The following RFPL1 variants were observed in gnomAD, a reference collection of about 807,000 sequenced individuals.
The protein encoded by RFPL1 is ret finger protein-like 1.
In RFPL1, 6 loss-of-function variants were observed where a neutral mutation model predicts 9.6. The ratio of observed to expected loss-of-function variants is 0.62; its 90% confidence interval spans 0.34 to 1.23. RFPL1 has a LOEUF of 1.23. Ranked by LOEUF, RFPL1 falls within the 50% of genes most tolerant of loss-of-function variation. The pLI, the probability that RFPL1 is intolerant of heterozygous loss-of-function variation, is 0.03. For missense variants in RFPL1, 352 were observed against 398.4 expected (o/e 0.88, Z 0.99); for synonymous variants, 145 against 149.4 (o/e 0.97, Z 0.22).
chr22:29,416,059 TACC>T, the RFPL1 span, among the ~76,000 whole-genome samples: 2 of 152,172 alleles, frequency 1.3e-5, no homozygotes, highest in African/African-American at 2.4e-5. Context: ...AGATTGGGGT[TACC>T]ACAACCCTAT....
chr22:29,437,550 T>C (rs1272103703), upstream of RFPL1: 126 of 1,465,956 alleles, frequency 8.6e-5, no homozygotes, highest in East Asian at 2.9e-3. Flanking sequence ...ATATCACCAG[T>C]AAAAACCTAA....
At chr22:29,432,925 T>A in the RFPL1 span, 1 of 152,192 alleles carries the variant, frequency 6.6e-6, no homozygotes, top group Non-Finnish European at 1.5e-5. Flanking sequence ...TCATGTACCG[T>A]TTCTGCAGAC....
chr22:29,408,538 G>A, the RFPL1 span, among the ~76,000 whole-genome samples: 3 of 152,174 alleles, frequency 2.0e-5, no homozygotes, highest in Admixed American at 6.5e-5. Context: ...TGCACACGGC[G>A]GTGTGGAGGA....
At chr22:29,417,938 GTTTTT>G in the RFPL1 span, among the ~76,000 whole-genome samples, 1 of 129,376 alleles carries the variant, frequency 7.7e-6, no homozygotes. Flanking sequence ...ACCTTGAATG[GTTTTT>G]TTTTTTTTTT....
upstream of RFPL1, among the ~76,000 whole-genome samples, chr22:29,435,557 G>A (rs180916806): frequency 4.4e-4 from 67 of 152,126 alleles, no homozygotes; most frequent in Non-Finnish European, 8.4e-4. Flanking sequence ...CTTTATGACC[G>A]GATCCAATTC....
the RFPL1 span, chr22:29,419,179 G>A: frequency 1.9e-6 from 3 of 1,607,636 alleles, no homozygotes; most frequent in Admixed American, 1.7e-5. Context: ...CACGGTCATC[G>A]ATGCAATCAC....
intron 1 of RFPL1, chr22:29,440,384 A>T (rs2062832262): frequency 6.6e-6 from 1 of 152,120 alleles, no homozygotes; most frequent in African/African-American, 2.4e-5. Flanking sequence ...TTGAAGGATC[A>T]TATGTTCTGT....
upstream of RFPL1, chr22:29,437,229 C>A: frequency 6.2e-6 from 1 of 160,228 alleles, no homozygotes; most frequent in Admixed American, 6.2e-5. Context: ...AATAAAAATT[C>A]CCTAGAATTT....
the RFPL1 span, among the ~76,000 whole-genome samples, chr22:29,403,692 C>G: frequency 6.6e-6 from 1 of 152,344 alleles, no homozygotes; most frequent in East Asian, 1.9e-4. Flanking sequence ...GATCCTTAAA[C>G]ACATCTTCAC....
chr22:29,426,381 T>C, the RFPL1 span, among the ~76,000 whole-genome samples: 1 of 152,082 alleles, frequency 6.6e-6, no homozygotes, highest in Non-Finnish European at 1.5e-5. Context: ...TTTTTGTCCA[T>C]ATTTTTAGAG....
upstream of RFPL1, chr22:29,437,755 T>G (rs1390995679): frequency 6.4e-7 from 1 of 1,573,350 alleles, no homozygotes; most frequent in Non-Finnish European, 8.6e-7. Flanking sequence ...GTGTGTGTGT[T>G]TTTCCTCCTT....
At chr22:29,410,603 A>ATATCTATATATAGATAGATATATTG in the RFPL1 span, among the ~76,000 whole-genome samples, 2 of 99,256 alleles carry the variant, frequency 2.0e-5, no homozygotes, top group African/African-American at 8.5e-5. Context: ...ATAGATATAT[A>ATATCTATATATAGATAGATATATTG]TAGATATATC....
the RFPL1 span, among the ~76,000 whole-genome samples, chr22:29,416,281 G>A: frequency 6.6e-6 from 1 of 151,936 alleles, no homozygotes; most frequent in African/African-American, 2.4e-5. Flanking sequence ...GGCAGGCAGA[G>A]TTGTGGACAC....
At chr22:29,419,050 A>G in the RFPL1 span, 3 of 691,958 alleles carry the variant, frequency 4.3e-6, no homozygotes, top group East Asian at 7.4e-5. Flanking sequence ...ATGAGGGGAG[A>G]CATGGGTCCC....
chr22:29,427,352 G>A, the RFPL1 span, among the ~76,000 whole-genome samples: 2 of 152,336 alleles, frequency 1.3e-5, no homozygotes, highest in East Asian at 1.9e-4. Context: ...GTAGGGCCTG[G>A]TGAGATGGGG....
At chr22:29,431,513 G>A in the RFPL1 span, among the ~76,000 whole-genome samples, 8 of 152,160 alleles carry the variant, frequency 5.3e-5, no homozygotes, top group Admixed American at 2.0e-4. Flanking sequence ...AGATTAGAAC[G>A]ATTTTGCAGG....
upstream of RFPL1, among the ~76,000 whole-genome samples, chr22:29,435,751 C>T (rs542815671): frequency 3.1e-4 from 47 of 152,090 alleles, no homozygotes; most frequent in Non-Finnish European, 5.4e-4. Context: ...ATATGTGATA[C>T]ATTTTAGGAG....
At chr22:29,407,955 C>T in the RFPL1 span, among the ~76,000 whole-genome samples, 1 of 152,114 alleles carries the variant, frequency 6.6e-6, no homozygotes, top group African/African-American at 2.4e-5. Flanking sequence ...TCTCTCATTG[C>T]CCAAGTTGAA....
the RFPL1 span, among the ~76,000 whole-genome samples, chr22:29,430,460 A>G: frequency 1.3e-5 from 2 of 152,146 alleles, no homozygotes; most frequent in African/African-American, 4.8e-5. Flanking sequence ...ATATATTGTG[A>G]TGTAATGGAA....
Sources: gnomAD v4.1 joint callset for allele counts (sites outside exome capture counted in the v4.1 genomes callset) on GRCh38, gnomAD v4.1.1 for gene constraint, MANE v1.5 for transcripts, NCBI Gene and HGNC (gene_info 2026-07-23, HGNC 2026-07-21) for gene names.